The following KANK1 variants were observed in gnomAD, a reference collection of about 807,000 sequenced individuals.
KANK1 encodes KN motif and ankyrin repeat domains 1.
KANK1 carries 109 observed loss-of-function variants against 106.2 expected under a neutral mutation model. The observed-to-expected ratio is 1.03, with a 90% CI of 0.88 to 1.20. KANK1 has a LOEUF of 1.20. Among genes scored for constraint, KANK1 ranks in the 50% most tolerant of loss-of-function variants. The pLI is 0.00. For synonymous variants in KANK1, 873 were observed against 652.2 expected (o/e 1.34, Z -5.16); for missense variants, 2,399 against 1,710.7 (o/e 1.40, Z -7.10).
intron 1 of KANK1, among the ~76,000 whole-genome samples, chr9:555,262 A>G (rs747775646): frequency 9.9e-5 from 15 of 152,156 alleles, no homozygotes; most frequent in Non-Finnish European, 8.8e-5. Context: ...CTGAAGAGTC[A>G]AGGGTGATAC....
At chr9:727,322 AT>A (rs113811286) in intron 3 of KANK1, among the ~76,000 whole-genome samples, 19,017 of 147,588 alleles carry the variant, frequency 0.13, 1,534 homozygotes, top group Admixed American at 0.18. Flanking sequence ...ATCCAAGGAA[AT>A]TTTTTTTTTT....
At chr9:709,692 T>C (rs1825392752) in intron 2 of KANK1, among the ~76,000 whole-genome samples, 1 of 151,520 alleles carries the variant, frequency 6.6e-6, no homozygotes, top group Non-Finnish European at 1.5e-5. Context: ...CTCGCCTCAC[T>C]GCAACCTCCA....
At chr9:629,529 C>T (rs1298872691) in intron 1 of KANK1, among the ~76,000 whole-genome samples, 2 of 152,188 alleles carry the variant, frequency 1.3e-5, no homozygotes, top group Non-Finnish European at 2.9e-5. Context: ...GATTCAGTAA[C>T]TTAACTATTC....
At chr9:689,656 T>G (rs947066805) in intron 2 of KANK1, among the ~76,000 whole-genome samples, 3 of 152,144 alleles carry the variant, frequency 2.0e-5, no homozygotes, top group Non-Finnish European at 4.4e-5. Context: ...CTTGGTGCTG[T>G]GGAAAGGGCC....
chr9:508,145 T>G (rs1368691747), intron 1 of KANK1, among the ~76,000 whole-genome samples: 2,263 of 113,608 alleles, frequency 0.02, 145 homozygotes, highest in South Asian at 0.11. Context: ...TTTTTTTTTT[T>G]TTTTTTTTTT....
At chr9:525,080 C>T (rs7027273) in intron 1 of KANK1, among the ~76,000 whole-genome samples, 1 of 149,484 alleles carries the variant, frequency 6.7e-6, no homozygotes, top group African/African-American at 2.5e-5. Context: ...CTGCAACCTC[C>T]GCCTCCTGGG....
intron 1 of KANK1, among the ~76,000 whole-genome samples, chr9:657,200 G>T (rs1442945160): frequency 1.3e-5 from 2 of 152,156 alleles, no homozygotes; most frequent in Admixed American, 1.3e-4. Context: ...GCATGTGATA[G>T]AATTTCCTTT....
rs945560716 is a variant in KANK1 at position 725,748 on chromosome 9, T to C, written c.2699-4303T>C. Reference sequence around the variant, plus strand: ...TAGCCAATGTCACAGGTGATTCTTATGAAGAATAGAACTCAGAGCAGTTTT... The same window carrying C: ...TAGCCAATGTCACAGGTGATTCTTACGAAGAATAGAACTCAGAGCAGTTTT... On this transcript the variant is annotated intron_variant, in intron 3 of 11. Coordinates refer to ENST00000382297, the MANE Select transcript of KANK1 (RefSeq NM_015158.5). 4.6e-5 allele frequency among the ~76,000 whole-genome samples: 7 copies of C among 152,296 alleles called. No individual in the cohort carries two copies. In the South Asian group the frequency reaches 1.0e-3, roughly 23 times the overall value.
intron 7 of KANK1, among the ~76,000 whole-genome samples, chr9:736,211 G>A (rs1237431784): frequency 1.3e-5 from 2 of 152,128 alleles, no homozygotes; most frequent in African/African-American, 2.4e-5. Context: ...GCCCATCTTG[G>A]CCTCCCAAAG....
At chr9:672,283 A>C (rs1815350435) in intron 1 of KANK1, among the ~76,000 whole-genome samples, 1 of 152,194 alleles carries the variant, frequency 6.6e-6, no homozygotes, top group East Asian at 1.9e-4. Flanking sequence ...GTTGTTGTGA[A>C]GTTTAAACAA....
intron 1 of KANK1, among the ~76,000 whole-genome samples, chr9:531,370 G>T (rs532887729): frequency 6.6e-6 from 1 of 152,120 alleles, no homozygotes; most frequent in Non-Finnish European, 1.5e-5. Flanking sequence ...GGTGGAGGCT[G>T]CAGTGAGCTG....
intron 1 of KANK1, among the ~76,000 whole-genome samples, chr9:622,245 A>T (rs1342224004): frequency 1.3e-5 from 2 of 152,178 alleles, no homozygotes; most frequent in Non-Finnish European, 2.9e-5. Flanking sequence ...TGGAGCACAA[A>T]GAAGTTAATA....
At chr9:537,754 G>A (rs887152176) in intron 1 of KANK1, among the ~76,000 whole-genome samples, 1 of 152,178 alleles carries the variant, frequency 6.6e-6, no homozygotes, top group East Asian at 1.9e-4. Flanking sequence ...ATTTTGGGGA[G>A]GGGTGCTACT....
At chr9:597,618 A>T (rs992743242) in intron 1 of KANK1, among the ~76,000 whole-genome samples, 6 of 151,298 alleles carry the variant, frequency 4.0e-5, no homozygotes, top group African/African-American at 1.5e-4. Flanking sequence ...TAGATATGTG[A>T]TTTGCACATA....
At chr9:634,648 A>G (rs1036490939) in intron 1 of KANK1, among the ~76,000 whole-genome samples, 1 of 152,218 alleles carries the variant, frequency 6.6e-6, no homozygotes, top group Non-Finnish European at 1.5e-5. Flanking sequence ...AATGAGTTTC[A>G]GGGAGGGACT....
intron 1 of KANK1, among the ~76,000 whole-genome samples, chr9:590,174 G>A (rs936748190): frequency 2.6e-5 from 4 of 152,164 alleles, no homozygotes; most frequent in Non-Finnish European, 5.9e-5. Context: ...GCCACATGAT[G>A]ATATTTATGG....
intron 1 of KANK1, among the ~76,000 whole-genome samples, chr9:669,369 C>T (rs893564408): frequency 6.6e-6 from 1 of 152,088 alleles, no homozygotes; most frequent in East Asian, 1.9e-4. Context: ...ATTGAAGAAC[C>T]ATCTTTAACA....
At chr9:744,921 T>C in intron 11 of KANK1, 1 of 1,424,334 alleles carries the variant, frequency 7.0e-7, no homozygotes, top group African/African-American at 1.4e-5. Flanking sequence ...CTGAAGCAGA[T>C]GGCAGGCAGC....
chr9:562,679 A>T (rs945634181), intron 1 of KANK1, among the ~76,000 whole-genome samples: 1 of 152,232 alleles, frequency 6.6e-6, no homozygotes, highest in African/African-American at 2.4e-5. Flanking sequence ...TATATTGGAT[A>T]GTACTTTCTA....
Sources: allele counts gnomAD v4.1 joint callset (sites outside exome capture counted in the v4.1 genomes callset), GRCh38; gene constraint gnomAD v4.1.1; transcripts MANE v1.5; gene names NCBI Gene and HGNC (gene_info 2026-07-23, HGNC 2026-07-21).